Variants in GRAMD1B observed in about 807,000 individuals in gnomAD.
The protein encoded by GRAMD1B is protein Aster-B.
In GRAMD1B, 37 loss-of-function variants were observed where a neutral mutation model predicts 99.7. The observed-to-expected ratio is 0.37, with a 90% CI of 0.29 to 0.49. GRAMD1B has a LOEUF of 0.49. GRAMD1B is among the 20% of genes least tolerant of loss of function. The pLI is 0.98. For synonymous variants in GRAMD1B, 427 were observed against 387.6 expected (o/e 1.10, Z -1.19); for missense variants, 888 against 1,009.2 (o/e 0.88, Z 1.63).
Position 123,622,551 on chromosome 11 carries a change from G to A in GRAMD1B, c.2590G>A (p.Asp864Asn). ...INLQNGIRSR[D>N]YTSESEEKRN... ...CCTTCAGAACGGCATCAGGTCCCGC[G>A]ACTACACGTCGGAAAGTGAAGAAAA... is the stretch of plus-strand genomic sequence containing the variant. Residue 864 changes from aspartate (D) to asparagine (N), a missense_variant, in exon 20 of 20, where the codon GAC becomes AAC. Physicochemically the swap from Asp to Asn is conservative, Grantham distance 23. Coordinates refer to ENST00000635736, the MANE Select transcript of GRAMD1B (RefSeq NM_001387025.1). 3.9e-6 allele frequency: 6 copies of A among 1,557,456 alleles called. No homozygotes were observed. The highest frequency in any genetic ancestry group is 1.2e-5 in the South Asian group (1 of 84,256).
chr11:123,498,196 G>A (rs1430015481), intron 2 of GRAMD1B, among the ~76,000 whole-genome samples: 1 of 151,978 alleles, frequency 6.6e-6, no homozygotes, highest in Non-Finnish European at 1.5e-5. Context: ...ACTGGACCTG[G>A]GGACCCCAAG....
chr11:123,477,085 T>C lies in GRAMD1B; in HGVS notation c.375-3731T>C, dbSNP rs558215339. ...GCCTTGCATATAGGATAATGGCACC[T>C]GGCATTTACATAGCAGTTAAAATGT... On this transcript the variant is annotated intron_variant, in intron 1 of 19. Transcript: ENST00000635736. Among the ~76,000 whole-genome samples the C allele has an allele frequency of 2.6e-5, 4 of 152,328 alleles. No individual in the cohort carries two copies. In the South Asian group the frequency reaches 8.3e-4, roughly 32 times the overall value.
At chr11:123,467,371 G>A (rs983649295) in intron 1 of GRAMD1B, among the ~76,000 whole-genome samples, 14 of 141,126 alleles carry the variant, frequency 9.9e-5, no homozygotes, top group Admixed American at 7.8e-4. Flanking sequence ...AAACAAAAAC[G>A]TTGTAGCCTT....
At chr11:123,471,438 C>G (rs545241839) in intron 1 of GRAMD1B, among the ~76,000 whole-genome samples, 70 of 152,172 alleles carry the variant, frequency 4.6e-4, no homozygotes, top group African/African-American at 1.7e-3. Context: ...CTGAATGAGT[C>G]CCGGGAAACA....
intron 1 of GRAMD1B, among the ~76,000 whole-genome samples, chr11:123,453,625 G>T (rs1235992939): frequency 1.3e-5 from 2 of 152,064 alleles, no homozygotes; most frequent in African/African-American, 4.8e-5. Flanking sequence ...CAATATATAG[G>T]TATGTATTTT....
chr11:123,572,784 G>A (rs924827592), intron 2 of GRAMD1B, among the ~76,000 whole-genome samples: 9 of 150,854 alleles, frequency 6.0e-5, no homozygotes, highest in East Asian at 2.0e-4. Flanking sequence ...GGTAGGCCCC[G>A]ATGGCTGGGG....
intron 1 of GRAMD1B, among the ~76,000 whole-genome samples, chr11:123,408,598 C>A (rs1947935807): frequency 6.6e-6 from 1 of 152,234 alleles, no homozygotes; most frequent in Non-Finnish European, 1.5e-5. Flanking sequence ...AATTCTGAGA[C>A]TCCCTCCCTT....
At chr11:123,596,126 G>A (rs1592194458) in intron 7 of GRAMD1B, 89 bp downstream of exon 7, 1 of 723,368 alleles carries the variant, frequency 1.4e-6, no homozygotes. Context: ...CATGAATGTG[G>A]AAGCCAATAG....
intron 1 of GRAMD1B, among the ~76,000 whole-genome samples, chr11:123,433,674 ACGTG>A (rs769847849): frequency 1.6e-3 from 158 of 98,422 alleles, no homozygotes; most frequent in East Asian, 9.3e-3. Context: ...TTAAAATGTT[ACGTG>A]CGTGTGTGTG....
intron 17 of GRAMD1B, among the ~76,000 whole-genome samples, chr11:123,616,238 C>T (rs1232517414): frequency 6.6e-6 from 1 of 152,170 alleles, no homozygotes; most frequent in African/African-American, 2.4e-5. Context: ...AGGAGAATGG[C>T]GTGAACCCGG....
chr11:123,583,203 C>T (rs374469174), intron 3 of GRAMD1B, among the ~76,000 whole-genome samples: 5 of 148,056 alleles, frequency 3.4e-5, no homozygotes, highest in Middle Eastern at 3.6e-3. Context: ...TGTGTGTGTA[C>T]GTGTATTCGT....
At chr11:123,535,345 T>TAAAA in intron 2 of GRAMD1B, among the ~76,000 whole-genome samples, 1 of 151,996 alleles carries the variant, frequency 6.6e-6, no homozygotes, top group Non-Finnish European at 1.5e-5. Flanking sequence ...AAACAGGTCT[T>TAAAA]AAATAACTAG....
intron 2 of GRAMD1B, among the ~76,000 whole-genome samples, chr11:123,575,445 G>A (rs907893054): frequency 2.6e-5 from 4 of 152,164 alleles, no homozygotes; most frequent in Non-Finnish European, 4.4e-5. Context: ...AGTCTCCCAA[G>A]TAGCTGGGAT....
chr11:123,404,200 G>A (rs893779342), intron 1 of GRAMD1B, among the ~76,000 whole-genome samples: 6 of 152,198 alleles, frequency 3.9e-5, no homozygotes, highest in Non-Finnish European at 7.3e-5. Flanking sequence ...TGAGAAGCAC[G>A]TAATGCCTGA....
chr11:123,561,860 G>A (rs1036191082), intron 2 of GRAMD1B, among the ~76,000 whole-genome samples: 1 of 152,212 alleles, frequency 6.6e-6, no homozygotes, highest in African/African-American at 2.4e-5. Flanking sequence ...GTAAGGGAAA[G>A]GGATGATTTT....
At chr11:123,425,662 T>C (rs1948622459), upstream of GRAMD1B, among the ~76,000 whole-genome samples, 1 of 152,206 alleles carries the variant, frequency 6.6e-6, no homozygotes, top group Non-Finnish European at 1.5e-5. Context: ...GGCTCTATTC[T>C]CGGAAACTGA....
intron 1 of GRAMD1B, among the ~76,000 whole-genome samples, chr11:123,464,036 G>A (rs1950552462): frequency 6.6e-6 from 1 of 152,004 alleles, no homozygotes. Context: ...ACAGGGGTGG[G>A]CCATGCCTGT....
chr11:123,440,549 G>C (rs1463250901), intron 1 of GRAMD1B, among the ~76,000 whole-genome samples: 2 of 152,140 alleles, frequency 1.3e-5, no homozygotes, highest in East Asian at 1.9e-4. Context: ...TAATAAAATA[G>C]CTAGTTAATT....
Position 123,436,016 on chromosome 11 carries a change from C to T in GRAMD1B, c.374+4850C>T, listed in dbSNP as rs560807590. Among the ~76,000 whole-genome samples, 10 of 145,142 alleles carry T rather than the reference C, an allele frequency of 6.9e-5. No individual in the cohort carries two copies. In the South Asian group the frequency reaches 2.0e-3, roughly 29 times the overall value. On this transcript the variant is annotated intron_variant, in intron 1 of 19. Transcript: ENST00000635736. ...GGAGTGCAGTGGCTCAATCTCGGCT[C>T]ACTGCAGCCTCTGCCTCCTGGGTTC...
Sources: allele counts gnomAD v4.1 joint callset (sites outside exome capture counted in the v4.1 genomes callset), GRCh38; gene constraint gnomAD v4.1.1; transcripts MANE v1.5; gene names NCBI Gene and HGNC (gene_info 2026-07-23, HGNC 2026-07-21).